Variants in CPED1 observed in about 807,000 individuals in gnomAD.
CPED1 encodes the protein cadherin-like and PC-esterase domain-containing protein 1.
CPED1 carries 114 observed loss-of-function variants against 128.2 expected under a neutral mutation model. The ratio of observed to expected loss-of-function variants is 0.89; its 90% confidence interval spans 0.76 to 1.04. The LOEUF (loss-of-function observed/expected upper bound fraction) is 1.04, where lower values mean the gene tolerates loss of function less well. Ranked by LOEUF, CPED1 falls within the 50% of genes least tolerant of loss-of-function variation. CPED1 has a pLI of 0.00. For missense variants in CPED1, 1,211 were observed against 1,207.1 expected (o/e 1.00, Z -0.05); for synonymous variants, 462 against 426.7 (o/e 1.08, Z -1.02).
intron 16 of CPED1, among the ~76,000 whole-genome samples, chr7:121,209,576 CT>C (rs1797600299): frequency 6.6e-6 from 1 of 151,976 alleles, no homozygotes; most frequent in African/African-American, 2.4e-5. Flanking sequence ...AACTAGACCC[CT>C]ATCTCTCACT....
chr7:121,202,986 A>G (rs192936173), intron 16 of CPED1, among the ~76,000 whole-genome samples: 151 of 152,122 alleles, frequency 9.9e-4, no homozygotes, highest in African/African-American at 3.5e-3. Context: ...CTTCTGGCTT[A>G]GGCTCTTACT....
At chr7:120,997,350 T>A (rs189432741) in intron 2 of CPED1, among the ~76,000 whole-genome samples, 173 of 152,322 alleles carry the variant, frequency 1.1e-3, no homozygotes, top group Non-Finnish European at 1.5e-3. Context: ...AGAAAGAAAG[T>A]GGCTCTCTCA....
rs767905185 is a variant in CPED1, at chr7:121,046,994, G to A, written c.540+1G>A. On this transcript the variant is annotated splice_donor_variant, in intron 4 of 22. Coordinates refer to ENST00000310396, the MANE Select transcript of CPED1 (RefSeq NM_024913.5). LOFTEE classifies it high-confidence loss of function. ...GTGCCAGTTAGGTTTACATCAAAAG[G>A]TAAATACTCTCAAGATGTGCACAGA... 1.3e-6 allele frequency: 2 copies of A among 1,578,906 alleles called. No individual in the cohort carries two copies. Among genetic ancestry groups the A allele is most frequent in the Admixed American group, 3.3e-5 (2 of 59,840 alleles).
chr7:121,242,218 T>G (rs1467049435), intron 17 of CPED1, among the ~76,000 whole-genome samples: 1 of 152,184 alleles, frequency 6.6e-6, no homozygotes, highest in African/African-American at 2.4e-5. Flanking sequence ...TCTTCTAACC[T>G]GAGTATAAAT....
chr7:121,151,303 C>T (rs1476672204), intron 16 of CPED1, among the ~76,000 whole-genome samples: 1 of 152,122 alleles, frequency 6.6e-6, no homozygotes, highest in African/African-American at 2.4e-5. Flanking sequence ...AAATTCCTAT[C>T]CTAGTAACTC....
intron 6 of CPED1, among the ~76,000 whole-genome samples, chr7:121,098,787 T>C (rs1794766051): frequency 8.0e-6 from 1 of 124,404 alleles, no homozygotes; most frequent in Admixed American, 8.3e-5. Flanking sequence ...TATAAAAATA[T>C]ATAAAAATAT....
chr7:121,070,674 A>G (rs1793962165), intron 5 of CPED1, among the ~76,000 whole-genome samples: 1 of 152,128 alleles, frequency 6.6e-6, no homozygotes, highest in African/African-American at 2.4e-5. Flanking sequence ...TTAATTCATC[A>G]GTAAGCCATC....
At chr7:121,200,113 T>C (rs564213165) in intron 16 of CPED1, among the ~76,000 whole-genome samples, 1 of 152,176 alleles carries the variant, frequency 6.6e-6, no homozygotes, top group Non-Finnish European at 1.5e-5. Context: ...GTATAAAAGG[T>C]TTTATATGAT....
chr7:121,279,943 T>A (rs1344130414), intron 22 of CPED1, among the ~76,000 whole-genome samples: 2 of 152,092 alleles, frequency 1.3e-5, no homozygotes, highest in Admixed American at 1.3e-4. Flanking sequence ...GCTGGAGAGC[T>A]CTTCTGACAT....
chr7:121,015,614 A>G (rs1792280138), intron 2 of CPED1, 51 bp from the exon 3 acceptor site: 1 of 1,501,038 alleles, frequency 6.7e-7, no homozygotes, highest in Non-Finnish European at 9.0e-7. Flanking sequence ...ATGTCCTTCA[A>G]GGGAAATGTA....
intron 16 of CPED1, among the ~76,000 whole-genome samples, chr7:121,155,159 TAAAG>T (rs1306411385): frequency 6.6e-6 from 1 of 151,988 alleles, no homozygotes; most frequent in Non-Finnish European, 1.5e-5. Context: ...TCAATCTAAC[TAAAG>T]AAATGAAAGA....
At chr7:121,081,711 G>A (rs974789062) in intron 5 of CPED1, among the ~76,000 whole-genome samples, 1 of 152,198 alleles carries the variant, frequency 6.6e-6, no homozygotes, top group African/African-American at 2.4e-5. Flanking sequence ...CTTAGAGATT[G>A]AGTACAGTCA....
intron 2 of CPED1, among the ~76,000 whole-genome samples, chr7:121,000,706 T>C (rs1365636193): frequency 1.3e-5 from 2 of 152,106 alleles, no homozygotes; most frequent in Non-Finnish European, 2.9e-5. Flanking sequence ...TGAGAATAGA[T>C]CTTACAATCT....
intron 16 of CPED1, among the ~76,000 whole-genome samples, chr7:121,234,037 C>T (rs1798197427): frequency 1.3e-5 from 2 of 152,046 alleles, no homozygotes; most frequent in Admixed American, 1.3e-4. Flanking sequence ...TCTAGAACTC[C>T]CTAGCTGGTG....
chr7:121,287,004 C>T (rs1402643672), intron 22 of CPED1, among the ~76,000 whole-genome samples: 1 of 152,092 alleles, frequency 6.6e-6, no homozygotes, highest in Non-Finnish European at 1.5e-5. Context: ...GGAAGAGCCC[C>T]TTATGAAATT....
intron 5 of CPED1, among the ~76,000 whole-genome samples, chr7:121,088,243 C>T (rs1794483556): frequency 6.6e-6 from 1 of 151,932 alleles, no homozygotes; most frequent in Non-Finnish European, 1.5e-5. Flanking sequence ...CCTGGGTTAG[C>T]GTATGTTAAA....
intron 16 of CPED1, among the ~76,000 whole-genome samples, chr7:121,184,523 C>T (rs1563057817): frequency 6.6e-6 from 1 of 152,060 alleles, no homozygotes; most frequent in African/African-American, 2.4e-5. Flanking sequence ...CCCATTTTTC[C>T]TCTTAAGAAA....
chr7:121,265,745 C>G (rs1310055128), intron 18 of CPED1, among the ~76,000 whole-genome samples: 3 of 151,994 alleles, frequency 2.0e-5, no homozygotes, highest in Non-Finnish European at 4.4e-5. Flanking sequence ...CTAGGACATG[C>G]ACCGCTGTTC....
At chr7:121,059,259 G>T (rs1422658165) in intron 4 of CPED1, among the ~76,000 whole-genome samples, 2 of 152,128 alleles carry the variant, frequency 1.3e-5, no homozygotes, top group Non-Finnish European at 2.9e-5. Flanking sequence ...CTACCAAATG[G>T]CTCTTATTTT....
Sources: allele counts gnomAD v4.1 joint callset (sites outside exome capture counted in the v4.1 genomes callset), GRCh38; gene constraint gnomAD v4.1.1; transcripts MANE v1.5; gene names NCBI Gene and HGNC (gene_info 2026-07-23, HGNC 2026-07-21).